Variants in CNTNAP4 observed in about 807,000 individuals in gnomAD.
CNTNAP4 encodes the protein contactin-associated protein-like 4.
CNTNAP4 carries 98 observed loss-of-function variants against 148.4 expected under a neutral mutation model. That is an observed-to-expected ratio of 0.66 (90% CI 0.56 to 0.78). CNTNAP4 has a LOEUF of 0.78. Among genes scored for constraint, CNTNAP4 ranks in the 30% least tolerant of loss-of-function variants. The probability of loss-of-function intolerance (pLI) is 0.00; values close to 1 mark genes in which losing one functional copy is unlikely to be tolerated. For missense variants in CNTNAP4, 1,935 were observed against 1,565.6 expected (o/e 1.24, Z -3.98); for synonymous variants, 730 against 565.1 (o/e 1.29, Z -4.14).
At position 76,501,885 on chromosome 16, in the gene CNTNAP4, C is replaced by T. The variant is rs201581692; in HGVS notation, c.2365+3191C>T. On this transcript the variant is annotated intron_variant, in intron 15 of 23. Coordinates refer to ENST00000611870, the MANE Select transcript of CNTNAP4 (RefSeq NM_033401.5). The stretch of plus-strand genomic sequence containing the variant: ...GGAGATCGAGACCATCCCGGCTAAA[C>T]GGTGAAACCCCGTCTCTACTAAAAA... 2.6e-5 allele frequency among the ~76,000 whole-genome samples: 4 copies of T among 151,858 alleles called. No individual in the cohort carries two copies. The East Asian group carries it at 5.8e-4, about 22-fold the overall frequency.
At chr16:76,347,632 T>G (rs1360018860) in intron 2 of CNTNAP4, among the ~76,000 whole-genome samples, 3 of 152,122 alleles carry the variant, frequency 2.0e-5, no homozygotes, top group Non-Finnish European at 4.4e-5. Context: ...GACAGGGTAA[T>G]ATTCGAGCAA....
intron 13 of CNTNAP4, among the ~76,000 whole-genome samples, chr16:76,492,519 A>C (rs1288800969): frequency 9.2e-6 from 1 of 108,142 alleles, no homozygotes; most frequent in East Asian, 3.0e-4. Context: ...AGCAAACACC[A>C]CACAGAGTAA....
At chr16:76,322,340 A>C (rs1435755967) in intron 2 of CNTNAP4, among the ~76,000 whole-genome samples, 1 of 152,174 alleles carries the variant, frequency 6.6e-6, no homozygotes, top group Non-Finnish European at 1.5e-5. Flanking sequence ...TGAAACTCTG[A>C]ATACTCATCC....
At chr16:76,471,251 G>C (rs187556573) in intron 10 of CNTNAP4, among the ~76,000 whole-genome samples, 3 of 152,286 alleles carry the variant, frequency 2.0e-5, no homozygotes, top group African/African-American at 7.2e-5. Flanking sequence ...TGCTATCCAA[G>C]TCCTCACATC....
chr16:76,393,114 A>G (rs1405651554), intron 3 of CNTNAP4, among the ~76,000 whole-genome samples: 1 of 152,164 alleles, frequency 6.6e-6, no homozygotes, highest in East Asian at 1.9e-4. Flanking sequence ...TCTCCACCAA[A>G]TTCACCAACT....
At position 76,494,933 on chromosome 16, in the gene CNTNAP4, G is replaced by T; in HGVS notation, c.2104G>T (p.Val702Leu). The change falls in exon 14 of 24, where the codon GTA becomes TTA. Residue 702 changes from valine to leucine, a missense_variant. By Grantham distance (32) the Val-to-Leu change is conservative (BLOSUM62 1). Coordinates refer to ENST00000611870, the MANE Select transcript of CNTNAP4 (RefSeq NM_033401.5). ...AGATGGAACCCCTCTGAGTTGGTGG[G>T]TAGGAAGAACCAATGAAACGCAAAC... ...KQDGTPLSWW[V>L]GRTNETQTYW... 1 of 1,613,396 alleles carries T rather than the reference G, an allele frequency of 6.2e-7. No homozygotes were observed. The highest frequency in any genetic ancestry group is 8.5e-7 in the Non-Finnish European group (1 of 1,179,508).
chr16:76,548,379 C>T (rs746206521), intron 21 of CNTNAP4, among the ~76,000 whole-genome samples: 12 of 136,586 alleles, frequency 8.8e-5, no homozygotes, highest in Non-Finnish European at 1.8e-4. Context: ...GACTCCTTCT[C>T]ATAGGTAGGA....
At chr16:76,511,129 G>C (rs1451592916) in intron 15 of CNTNAP4, among the ~76,000 whole-genome samples, 3 of 152,098 alleles carry the variant, frequency 2.0e-5, no homozygotes, top group African/African-American at 7.2e-5. Flanking sequence ...CTCTCTATCT[G>C]AGCAAGGCAG....
chr16:76,410,711 T>C (rs1229589843), intron 3 of CNTNAP4, among the ~76,000 whole-genome samples: 1 of 151,676 alleles, frequency 6.6e-6, no homozygotes, highest in Non-Finnish European at 1.5e-5. Context: ...TGTGACTAAA[T>C]TGTACAGAAT....
At chr16:76,438,309 G>A (rs2079909910) in intron 4 of CNTNAP4, among the ~76,000 whole-genome samples, 1 of 152,068 alleles carries the variant, frequency 6.6e-6, no homozygotes, top group Non-Finnish European at 1.5e-5. Context: ...ACGAGAAAGA[G>A]GTTTAAAAGT....
intron 17 of CNTNAP4, among the ~76,000 whole-genome samples, chr16:76,523,776 A>T (rs1047748159): frequency 7.2e-5 from 11 of 152,052 alleles, no homozygotes; most frequent in Non-Finnish European, 1.3e-4. Flanking sequence ...GTAAAAAATT[A>T]AAAAAATTAG....
intron 13 of CNTNAP4, among the ~76,000 whole-genome samples, chr16:76,491,972 C>G (rs190125740): frequency 9.2e-5 from 14 of 152,184 alleles, no homozygotes; most frequent in Admixed American, 9.2e-4. Context: ...AACATCTCTT[C>G]AAGATACTGA....
intron 1 of CNTNAP4, among the ~76,000 whole-genome samples, chr16:76,299,191 T>C (rs1959661530): frequency 6.6e-6 from 1 of 152,086 alleles, no homozygotes; most frequent in Non-Finnish European, 1.5e-5. Context: ...CAAAAGAAAC[T>C]ACCATCAGAG....
intron 7 of CNTNAP4, among the ~76,000 whole-genome samples, chr16:76,450,785 T>C (rs2080434354): frequency 6.6e-6 from 1 of 152,128 alleles, no homozygotes; most frequent in Admixed American, 6.5e-5. Flanking sequence ...ATAGCTGTCT[T>C]GGTTAGGTTT....
At chr16:76,518,189 A>G (rs950530) in intron 15 of CNTNAP4, among the ~76,000 whole-genome samples, 98,252 of 151,936 alleles carry the variant, frequency 0.65, 32,486 homozygotes, top group African/African-American at 0.8. Flanking sequence ...ATGCAGATGC[A>G]TAATCTGGGC....
At chr16:76,425,244 G>A (rs906894695) in intron 3 of CNTNAP4, among the ~76,000 whole-genome samples, 3 of 152,110 alleles carry the variant, frequency 2.0e-5, no homozygotes, top group Admixed American at 1.3e-4. Context: ...GGCCTTATAT[G>A]TTTGAGATGC....
At chr16:76,302,472 T>C (rs1304118176) in intron 1 of CNTNAP4, among the ~76,000 whole-genome samples, 1 of 152,066 alleles carries the variant, frequency 6.6e-6, no homozygotes, top group Non-Finnish European at 1.5e-5. Context: ...AGGTGACCCT[T>C]TCTATAACAC....
At position 76,277,730 on chromosome 16, in the gene CNTNAP4, T is replaced by A; in HGVS notation, c.68T>A (p.Val23Asp). Residue 23 changes from valine to aspartate, a missense_variant, in exon 1 of 24, where the codon GTC becomes GAC. Coordinates refer to ENST00000611870, the MANE Select transcript of CNTNAP4 (RefSeq NM_033401.5). The part of the protein sequence containing the change: ...LLLSTQNWNR[V>D]EAGNSYDCDD... ...TTATCTACTCAAAATTGGAACAGAGTCGAAGCTGGGAATTCCTGTAAGTAT... is the reference window on the plus strand; with the variant it reads ...TTATCTACTCAAAATTGGAACAGAGACGAAGCTGGGAATTCCTGTAAGTAT... 3 of 1,598,818 alleles carry A rather than the reference T, an allele frequency of 1.9e-6. No homozygotes were observed. The highest frequency in any genetic ancestry group is 1.3e-5 in the African/African-American group (1 of 74,786).
At chr16:76,337,559 A>T (rs1964122701) in intron 2 of CNTNAP4, among the ~76,000 whole-genome samples, 1 of 152,182 alleles carries the variant, frequency 6.6e-6, no homozygotes, top group Non-Finnish European at 1.5e-5. Context: ...AATTAGAATT[A>T]TTGATGAGGT....
Sources: allele counts gnomAD v4.1 joint callset (sites outside exome capture counted in the v4.1 genomes callset), GRCh38; gene constraint gnomAD v4.1.1; transcripts MANE v1.5; gene names NCBI Gene and HGNC (gene_info 2026-07-23, HGNC 2026-07-21).